Variants in NUDCD3 observed in about 807,000 individuals in gnomAD.
NUDCD3 encodes the protein nudC domain-containing protein 3.
In NUDCD3, 13 loss-of-function variants were observed where a neutral mutation model predicts 39.7. The ratio of observed to expected loss-of-function variants is 0.33; its 90% CI spans 0.21 to 0.52. NUDCD3 has a LOEUF of 0.52. NUDCD3 is among the 20% of genes least tolerant of loss of function. NUDCD3 has a pLI of 0.96. For missense variants in NUDCD3, 453 were observed against 458.1 expected (o/e 0.99, Z 0.10); for synonymous variants, 175 against 172.4 (o/e 1.02, Z -0.12).
chr7:44,436,293 A>C (rs1799462499), intron 2 of NUDCD3, among the ~76,000 whole-genome samples: 1 of 152,218 alleles, frequency 6.6e-6, no homozygotes, highest in African/African-American at 2.4e-5. Context: ...CAAAACCAAA[A>C]GTCTGAGAGT....
At chr7:44,398,500 T>G (rs137872528) in intron 4 of NUDCD3, among the ~76,000 whole-genome samples, 3 of 152,286 alleles carry the variant, frequency 2.0e-5, no homozygotes, top group African/African-American at 7.2e-5. Flanking sequence ...GTCCCAGACC[T>G]CTAATCAGTC....
At chr7:44,401,596 A>C (rs2116871338) in intron 4 of NUDCD3, among the ~76,000 whole-genome samples, 1 of 152,348 alleles carries the variant, frequency 6.6e-6, no homozygotes, top group South Asian at 2.1e-4. Flanking sequence ...TTGATAATAA[A>C]GGCACTTTAA....
intron 3 of NUDCD3, among the ~76,000 whole-genome samples, chr7:44,417,507 T>A (rs1359881849): frequency 6.6e-6 from 1 of 152,180 alleles, no homozygotes; most frequent in African/African-American, 2.4e-5. Flanking sequence ...ACAAACCCTT[T>A]CAGAGAAAGC....
At chr7:44,420,542 T>A (rs1045405572) in intron 3 of NUDCD3, among the ~76,000 whole-genome samples, 1 of 152,028 alleles carries the variant, frequency 6.6e-6, no homozygotes, top group Non-Finnish European at 1.5e-5. Context: ...CCAAGACACA[T>A]AATCGTCAGA....
chr7:44,414,643 T>A (rs1038783741), intron 3 of NUDCD3, among the ~76,000 whole-genome samples: 1 of 152,220 alleles, frequency 6.6e-6, no homozygotes, highest in Non-Finnish European at 1.5e-5. Flanking sequence ...TTTTGTGTTG[T>A]TATACAAGTT....
At chr7:44,447,022 C>T (rs148756565) in intron 2 of NUDCD3, among the ~76,000 whole-genome samples, 4 of 152,338 alleles carry the variant, frequency 2.6e-5, no homozygotes, top group Non-Finnish European at 5.9e-5. Flanking sequence ...TCACAGAGAA[C>T]ATTTACTTGG....
chr7:44,384,860 C>T lies in NUDCD3; in HGVS notation c.*1151G>A, dbSNP rs1311142702. The T allele has an allele frequency of 6.6e-6, 1 of 152,206 alleles. No individual in the cohort carries two copies. Among genetic ancestry groups the T allele is most frequent in the Non-Finnish European group, 1.5e-5 (1 of 68,056 alleles). 9.4% of individuals were successfully genotyped at this position (152,206 alleles called of 1,614,324 possible). A position where few individuals can be genotyped will look rare whatever the true frequency, so the allele number is the denominator to read the frequency against. ...GGCCTGAGGACCTGTCTCATAATCT[C>T]GTCTTTGCACCTTGGCTGGAGTCAG... On this transcript the variant is annotated 3_prime_UTR_variant, in exon 6 of 6. Transcript: ENST00000355451.
Position 44,392,440 on chromosome 7 carries a change from C to T in NUDCD3, c.832G>A (p.Glu278Lys), listed in dbSNP as rs140073158. The stretch of plus-strand genomic sequence containing the variant: ...TCAATGTCGATGGGCTCTTCTCCCT[C>T]CAGGATGGCGTTCCACCAATACTCG... The part of the protein sequence containing the change: ...VGEYWWNAIL[E>K]GEEPIDIDKI... The change falls in exon 5 of 6, where the codon GAG (glutamate) becomes AAG (lysine). Residue 278 changes from glutamate to lysine, a missense_variant. Transcript: ENST00000355451. 8.7e-6 allele frequency: 14 copies of T among 1,614,038 alleles called. No homozygotes were observed. Among genetic ancestry groups the T allele is most frequent in the African/African-American group, 1.3e-5 (1 of 74,926 alleles).
At chr7:44,468,372 A>G (rs1167328078) in intron 2 of NUDCD3, 2 of 1,182,368 alleles carry the variant, frequency 1.7e-6, no homozygotes, top group African/African-American at 3.2e-5. Context: ...AAAAAAAAAG[A>G]AAAGAAAACT....
intron 2 of NUDCD3, among the ~76,000 whole-genome samples, chr7:44,455,983 G>GCCACTGCA (rs1447383819): frequency 2.7e-5 from 3 of 111,640 alleles, no homozygotes; most frequent in Non-Finnish European, 5.1e-5. Context: ...CCGAGATCCC[G>GCCACTGCA]CCACTGCACT....
At chr7:44,406,684 A>G (rs1798826434) in intron 3 of NUDCD3, among the ~76,000 whole-genome samples, 1 of 152,218 alleles carries the variant, frequency 6.6e-6, no homozygotes, top group Non-Finnish European at 1.5e-5. Flanking sequence ...TCCCAGGTGA[A>G]GATGTCACAC....
intron 2 of NUDCD3, among the ~76,000 whole-genome samples, chr7:44,456,334 A>C (rs1481474249): frequency 3.9e-5 from 6 of 152,202 alleles, no homozygotes; most frequent in African/African-American, 1.4e-4. Context: ...GAATTTAAGG[A>C]AATTTCTTAA....
chr7:44,477,661 T>C (rs1800400780), intron 2 of NUDCD3, among the ~76,000 whole-genome samples: 2 of 152,142 alleles, frequency 1.3e-5, no homozygotes, highest in Non-Finnish European at 2.9e-5. Context: ...GAGAAATGCC[T>C]GATTAGTGAC....
rs921482106 is a variant in NUDCD3, at chr7:44,380,472, C to T, written c.*5539G>A. On this transcript the variant is annotated 3_prime_UTR_variant, in exon 6 of 6. Transcript: ENST00000355451. ...CTCAGGGGTGCTGGAATCTTCCCCA[C>T]CTTAAGGCTTAGCTCCAGTCTGTAG... is the stretch of plus-strand genomic sequence containing the variant. 6.6e-6 allele frequency: 1 copy of T among 152,244 alleles called. No homozygotes were observed. The highest frequency in any genetic ancestry group is 1.5e-5 in the Non-Finnish European group (1 of 68,064). 9.4% of individuals were successfully genotyped at this position (152,244 alleles called of 1,614,324 possible).
intron 3 of NUDCD3, among the ~76,000 whole-genome samples, chr7:44,425,561 C>T (rs1247533815): frequency 6.6e-6 from 1 of 152,154 alleles, no homozygotes; most frequent in Non-Finnish European, 1.5e-5. Flanking sequence ...ACATCTCTCT[C>T]CCACTAAAAG....
chr7:44,401,814 C>A (rs945280681), intron 4 of NUDCD3, among the ~76,000 whole-genome samples: 3 of 152,174 alleles, frequency 2.0e-5, no homozygotes, highest in African/African-American at 7.2e-5. Context: ...GAAGCCTGGA[C>A]TCAAGCAGAA....
chr7:44,455,305 C>T (rs910966680), intron 2 of NUDCD3, among the ~76,000 whole-genome samples: 3 of 152,116 alleles, frequency 2.0e-5, no homozygotes, highest in Non-Finnish European at 4.4e-5. Flanking sequence ...GTGTGTATGG[C>T]ACTGCACGGG....
intron 2 of NUDCD3, among the ~76,000 whole-genome samples, chr7:44,456,460 C>T (rs10230184): frequency 5.3e-5 from 8 of 152,160 alleles, no homozygotes; most frequent in Admixed American, 3.3e-4. Context: ...CTATTGCACT[C>T]GACTTGTCAT....
At chr7:44,484,611 T>G in intron 2 of NUDCD3, 1 of 200,394 alleles carries the variant, frequency 5.0e-6, no homozygotes, top group Non-Finnish European at 1.0e-5. Flanking sequence ...CATGAGCAAA[T>G]CCTAGCAGTG....
Sources: allele counts gnomAD v4.1 joint callset (sites outside exome capture counted in the v4.1 genomes callset), GRCh38; gene constraint gnomAD v4.1.1; transcripts MANE v1.5; gene names NCBI Gene and HGNC (gene_info 2026-07-23, HGNC 2026-07-21).